Variants in ZFHX3 observed in about 807,000 individuals in gnomAD.
ZFHX3 encodes the protein zinc finger homeobox protein 3.
Under a neutral mutation model 279.1 loss-of-function variants are expected in ZFHX3, and 42 were observed. The observed-to-expected ratio is 0.15, with a 90% CI of 0.12 to 0.19. The LOEUF is 0.19. Ranked by LOEUF, ZFHX3 falls within the 10% of genes least tolerant of loss-of-function variation. ZFHX3 has a pLI of 1.00. For synonymous variants in ZFHX3, 2,293 were observed against 1,957.8 expected (o/e 1.17, Z -4.52); for missense variants, 4,981 against 4,754.0 (o/e 1.05, Z -1.40).
At chr16:72,922,053 G>A (rs569489129) in intron 3 of ZFHX3, among the ~76,000 whole-genome samples, 1 of 152,288 alleles carries the variant, frequency 6.6e-6, no homozygotes, top group South Asian at 2.1e-4. Flanking sequence ...CAGCCCTGCA[G>A]CACGGTAGGC....
chr16:73,299,676 G>A (rs1413774757), intron 4 of ZFHX3, among the ~76,000 whole-genome samples: 2 of 152,182 alleles, frequency 1.3e-5, no homozygotes, highest in African/African-American at 4.8e-5. Context: ...GCTGAGACCT[G>A]GGCCCGCAAA....
At chr16:73,666,337 T>A (rs886679489) in intron 2 of ZFHX3, among the ~76,000 whole-genome samples, 1 of 151,968 alleles carries the variant, frequency 6.6e-6, no homozygotes, top group Admixed American at 6.6e-5. Flanking sequence ...TATGAAATAA[T>A]TAAACCTTCT....
At chr16:73,533,592 A>T (rs184626637) in intron 2 of ZFHX3, among the ~76,000 whole-genome samples, 15 of 152,076 alleles carry the variant, frequency 9.9e-5, no homozygotes, top group African/African-American at 3.1e-4. Flanking sequence ...CCCTTCCAAA[A>T]TCCAAACTTG....
chr16:72,864,605 T>G (rs778745935), intron 4 of ZFHX3, among the ~76,000 whole-genome samples: 1 of 152,346 alleles, frequency 6.6e-6, no homozygotes, highest in East Asian at 1.9e-4. Context: ...AACTTGTGAA[T>G]GAAGCACCAA....
intron 4 of ZFHX3, among the ~76,000 whole-genome samples, chr16:73,284,861 A>C (rs1445860904): frequency 6.6e-6 from 1 of 151,998 alleles, no homozygotes; most frequent in Admixed American, 6.6e-5. Context: ...TTTTGTTTTT[A>C]AGACACGGTC....
intron 1 of ZFHX3, among the ~76,000 whole-genome samples, chr16:73,026,684 A>AAAAAAAC (rs1964519100): frequency 6.6e-6 from 1 of 151,672 alleles, no homozygotes; most frequent in South Asian, 2.1e-4. Context: ...AAAAAAAAAA[A>AAAAAAAC]AAAAAAAAAA....
At chr16:73,439,937 A>G (rs1004850222) in intron 3 of ZFHX3, among the ~76,000 whole-genome samples, 1 of 148,648 alleles carries the variant, frequency 6.7e-6, no homozygotes, top group African/African-American at 2.5e-5. Flanking sequence ...AAAAAACACA[A>G]AAAAAAAAAC....
chr16:73,657,214 TG>T (rs1486151127), intron 2 of ZFHX3, among the ~76,000 whole-genome samples: 10 of 152,346 alleles, frequency 6.6e-5, no homozygotes, highest in Non-Finnish European at 1.5e-4. Flanking sequence ...CCCAGCACTT[TG>T]GGAGGCCAAG....
intron 1 of ZFHX3, among the ~76,000 whole-genome samples, chr16:73,687,115 G>T (rs1003786447): frequency 1.6e-4 from 22 of 139,200 alleles, no homozygotes; most frequent in Admixed American, 1.4e-3. Flanking sequence ...CAGGCCAGTT[G>T]CAGTGGCTTA....
At chr16:73,078,846 A>G (rs1166422212) in intron 8 of ZFHX3, among the ~76,000 whole-genome samples, 2 of 151,704 alleles carry the variant, frequency 1.3e-5, no homozygotes, top group Non-Finnish European at 2.9e-5. Context: ...GGGTTTCACC[A>G]TCTTAGCCAG....
intron 3 of ZFHX3, among the ~76,000 whole-genome samples, chr16:73,418,642 C>T (rs1016017727): frequency 2.6e-5 from 4 of 152,130 alleles, no homozygotes; most frequent in East Asian, 3.9e-4. Flanking sequence ...GTGTTGTGTA[C>T]GTTAGTGATA....
At chr16:73,239,562 C>T (rs1194615464) in intron 5 of ZFHX3, among the ~76,000 whole-genome samples, 1 of 152,164 alleles carries the variant, frequency 6.6e-6, no homozygotes, top group Non-Finnish European at 1.5e-5. Context: ...CCAGTCATTC[C>T]AACACAGGTG....
chr16:73,511,889 A>G (rs1439990079), intron 2 of ZFHX3, among the ~76,000 whole-genome samples: 1 of 152,072 alleles, frequency 6.6e-6, no homozygotes, highest in African/African-American at 2.4e-5. Flanking sequence ...TTGAACCTTT[A>G]AACCTGGCAA....
At chr16:73,621,505 T>C (rs887254207) in intron 2 of ZFHX3, among the ~76,000 whole-genome samples, 1 of 152,180 alleles carries the variant, frequency 6.6e-6, no homozygotes, top group African/African-American at 2.4e-5. Flanking sequence ...CTAGTTAATT[T>C]AATCTAAATG....
intron 1 of ZFHX3, among the ~76,000 whole-genome samples, chr16:73,715,327 G>A (rs2053403774): frequency 6.6e-6 from 1 of 152,158 alleles, no homozygotes; most frequent in Non-Finnish European, 1.5e-5. Flanking sequence ...GTATGGCTAT[G>A]AACAGACCCA....
intron 3 of ZFHX3, among the ~76,000 whole-genome samples, chr16:72,937,902 C>T (rs1415455061): frequency 1.3e-5 from 2 of 152,236 alleles, no homozygotes; most frequent in African/African-American, 4.8e-5. Context: ...ACCTTTCAGA[C>T]ACTCCTCAGC....
intron 3 of ZFHX3, among the ~76,000 whole-genome samples, chr16:73,385,767 G>A (rs545967169): frequency 1.2e-4 from 18 of 152,356 alleles, no homozygotes; most frequent in African/African-American, 4.3e-4. Flanking sequence ...GGCAGGAGGG[G>A]CCTGGGCAGG....
rs376628640 is a variant in ZFHX3 at position 72,787,748 on chromosome 16, C to G, written c.10528G>C (p.Gly3510Arg). Reference protein sequence around the residue: ...MVLHVPTGGGGGGSGGGGGGG... With the variant: ...MVLHVPTGGGRGGSGGGGGGG... ...CCGCCGCCGCCGCCACTGCCACCGCCGCCGCCGCCGGTGGGGACGTGAAGC... is the reference window on the plus strand; with the variant it reads ...CCGCCGCCGCCGCCACTGCCACCGCGGCCGCCGCCGGTGGGGACGTGAAGC... Residue 3510 changes from glycine (G) to arginine (R), a missense_variant, in exon 10 of 10, where the codon GGC becomes CGC. Physicochemically the swap from Gly to Arg is moderately radical, Grantham distance 125. This residue lies in a region of ZFHX3 where 1,034 missense variants were observed against 786.0 expected (regional missense o/e 1.32). Coordinates refer to ENST00000268489, the MANE Select transcript of ZFHX3 (RefSeq NM_006885.4). 1.4e-6 allele frequency: 2 copies of G among 1,417,066 alleles called. No homozygotes were observed. Among genetic ancestry groups the G allele is most frequent in the African/African-American group, 2.9e-5 (2 of 67,936 alleles). 87.8% of individuals were successfully genotyped at this position (1,417,066 alleles called of 1,614,324 possible).
intron 5 of ZFHX3, among the ~76,000 whole-genome samples, chr16:73,227,398 A>G (rs868187131): frequency 1.3e-5 from 2 of 152,198 alleles, no homozygotes; most frequent in African/African-American, 4.8e-5. Context: ...TACTTATAGG[A>G]GAGAAAATTT....
Sources: gnomAD v4.1 joint callset for allele counts (sites outside exome capture counted in the v4.1 genomes callset) on GRCh38, gnomAD v4.1.1 for gene constraint, gnomAD v4.1.1 regional missense constraint, MANE v1.5 for transcripts, NCBI Gene and HGNC (gene_info 2026-07-23, HGNC 2026-07-21) for gene names.